Variants in NRG1 observed in about 807,000 individuals in gnomAD.
NRG1 encodes pro-neuregulin-1, membrane-bound isoform.
In NRG1, 18 loss-of-function variants were observed where a neutral mutation model predicts 63.8. That is an observed-to-expected ratio of 0.28 (90% CI 0.19 to 0.42). NRG1 has a LOEUF of 0.42. Ranked by LOEUF, NRG1 falls within the 10% of genes least tolerant of loss-of-function variation. NRG1 has a pLI of 1.00. For synonymous variants in NRG1, 302 were observed against 301.3 expected, an observed-to-expected ratio of 1.00 and a Z score of -0.02; for missense variants, 762 against 814.7, an observed-to-expected ratio of 0.94 and a Z score of 0.79.
chr8:32,599,717 A>T (rs1347046134), intron 2 of NRG1, among the ~76,000 whole-genome samples: 1 of 152,192 alleles, frequency 6.6e-6, no homozygotes, highest in Non-Finnish European at 1.5e-5. Flanking sequence ...CGTGTGACAG[A>T]TTCATATGTA....
At chr8:32,253,783 T>C (rs182814258) in intron 1 of NRG1, among the ~76,000 whole-genome samples, 1 of 152,354 alleles carries the variant, frequency 6.6e-6, no homozygotes, top group Non-Finnish European at 1.5e-5. Context: ...CTCCTCTTTG[T>C]ACCTCTGGTA....
intron 5 of NRG1, chr8:32,647,596 T>A (rs1853896971): frequency 1.4e-6 from 2 of 1,408,434 alleles, no homozygotes; most frequent in Non-Finnish European, 1.8e-6. Context: ...ATTTTAATAA[T>A]GGCCTTGGAC....
At chr8:32,760,998 A>G (rs1830590819) in intron 11 of NRG1, 2 of 985,878 alleles carry the variant, frequency 2.0e-6, no homozygotes, top group African/African-American at 3.5e-5. Context: ...TGCGTCTGGC[A>G]GTCTTCACGG....
intron 11 of NRG1, 185 bp downstream of exon 11, chr8:32,760,591 T>C (rs1254580863): frequency 1.6e-5 from 22 of 1,400,194 alleles, no homozygotes; most frequent in Non-Finnish European, 1.9e-5. Flanking sequence ...CTTCTGAGCT[T>C]CTCTCGTCGT....
chr8:32,209,096 A>G (rs1844387243), intron 1 of NRG1, among the ~76,000 whole-genome samples: 1 of 152,164 alleles, frequency 6.6e-6, no homozygotes. Flanking sequence ...TCTGCTCTTC[A>G]GTTTCCTCAT....
intron 1 of NRG1, among the ~76,000 whole-genome samples, chr8:32,458,200 G>A (rs1821859486): frequency 6.6e-6 from 1 of 152,168 alleles, no homozygotes; most frequent in Non-Finnish European, 1.5e-5. Flanking sequence ...ACAGGCATGA[G>A]CCACTGTGCC....
At chr8:32,312,784 C>CCCTTCCTTCCTT (rs143478834) in intron 1 of NRG1, among the ~76,000 whole-genome samples, 12 of 151,140 alleles carry the variant, frequency 7.9e-5, no homozygotes, top group African/African-American at 2.9e-4. Context: ...CTCTCTCCTT[C>CCCTTCCTTCCTT]CCTTCCTTCC....
chr8:31,812,023 T>C (rs940362594), intron 1 of NRG1, among the ~76,000 whole-genome samples: 1 of 152,158 alleles, frequency 6.6e-6, no homozygotes, highest in Admixed American at 6.5e-5. Flanking sequence ...TAGATAGAAA[T>C]AGAATATGTG....
chr8:31,860,440 A>G (rs1828370257), intron 1 of NRG1, among the ~76,000 whole-genome samples: 1 of 152,236 alleles, frequency 6.6e-6, no homozygotes, highest in African/African-American at 2.4e-5. Flanking sequence ...TCGTGAAAGT[A>G]TAAATCTGTA....
chr8:31,783,092 A>G (rs1395326465), intron 1 of NRG1, among the ~76,000 whole-genome samples: 5 of 152,216 alleles, frequency 3.3e-5, no homozygotes, highest in Non-Finnish European at 5.9e-5. Context: ...AGACATAAAT[A>G]TAGGTATAGG....
chr8:31,896,623 A>C (rs981567591), intron 1 of NRG1, among the ~76,000 whole-genome samples: 8 of 152,208 alleles, frequency 5.3e-5, no homozygotes, highest in Admixed American at 1.3e-4. Context: ...TTGGACGCCC[A>C]CTTCCAGGTT....
chr8:32,084,770 G>T (rs1007846278), intron 1 of NRG1, among the ~76,000 whole-genome samples: 3 of 152,142 alleles, frequency 2.0e-5, no homozygotes, highest in Admixed American at 6.5e-5. Context: ...TGGGTAGCTG[G>T]TGGGGTAGTG....
chr8:32,417,137 A>G (rs1452422645), intron 1 of NRG1, among the ~76,000 whole-genome samples: 2 of 152,192 alleles, frequency 1.3e-5, no homozygotes, highest in Non-Finnish European at 2.9e-5. Context: ...TACAAACACT[A>G]TTAATATTAC....
intron 1 of NRG1, among the ~76,000 whole-genome samples, chr8:32,187,926 G>T (rs558737201): frequency 2.6e-5 from 4 of 152,186 alleles, no homozygotes; most frequent in Non-Finnish European, 4.4e-5. Flanking sequence ...GTATGCCAGT[G>T]CAGAGGAGTT....
chr8:31,917,012 A>G lies in NRG1; in HGVS notation c.37+277581A>G, dbSNP rs1319559887. ...GCTGCATAAATGTCTTCTTTTGAGA[A>G]GTGTCTGTTCATGTCCTTCGCCCAC... is the stretch of plus-strand genomic sequence containing the variant. On this transcript the variant is annotated intron_variant, in intron 1 of 10. Transcript: ENST00000519301. Among the ~76,000 whole-genome samples the G allele has an allele frequency of 4.0e-5, 6 of 151,836 alleles. No individual in the cohort carries two copies. In the East Asian group the frequency reaches 5.8e-4, roughly 15 times the overall value.
chr8:31,875,280 G>A lies in NRG1; in HGVS notation c.37+235849G>A, dbSNP rs74784196. ...CTCAGCCCGGGCAACTGTATTCTCC[G>A]AATTGAGTTCATTAATATTGTCTTC... On this transcript the variant is annotated intron_variant, in intron 1 of 10. Transcript: ENST00000519301. Among the ~76,000 whole-genome samples, 187 of 152,220 alleles carry A rather than the reference G, an allele frequency of 1.2e-3. 2 individuals carry two copies. In the East Asian group the frequency reaches 0.027, roughly 22 times the overall value.
At chr8:32,160,089 T>C (rs1202330046) in intron 1 of NRG1, among the ~76,000 whole-genome samples, 2 of 152,022 alleles carry the variant, frequency 1.3e-5, no homozygotes, top group Non-Finnish European at 2.9e-5. Flanking sequence ...GGAGAAATAG[T>C]GGGATGATGA....
chr8:31,771,959 A>G, intron 1 of NRG1, among the ~76,000 whole-genome samples: 1 of 152,216 alleles, frequency 6.6e-6, no homozygotes, highest in Non-Finnish European at 1.5e-5. Flanking sequence ...CTGCTTTTCT[A>G]GTGATACTTA....
intron 1 of NRG1, among the ~76,000 whole-genome samples, chr8:32,464,779 C>CT (rs375314679): frequency 5.4e-5 from 8 of 148,714 alleles, no homozygotes; most frequent in African/African-American, 1.9e-4. Context: ...GGGATTTTAC[C>CT]TTTTTGTTTC....
Sources: gnomAD v4.1 joint callset for allele counts (sites outside exome capture counted in the v4.1 genomes callset) on GRCh38, gnomAD v4.1.1 for gene constraint, MANE v1.5 for transcripts, NCBI Gene and HGNC (gene_info 2026-07-23, HGNC 2026-07-21) for gene names.